PTPRD: variants seen among roughly 807,000 people sequenced by gnomAD.
PTPRD encodes receptor-type tyrosine-protein phosphatase delta.
A neutral mutation model predicts 214.5 loss-of-function variants in PTPRD; 34 were observed. The observed-to-expected ratio is 0.16, with a 90% CI of 0.12 to 0.21. The LOEUF (loss-of-function observed/expected upper bound fraction) is 0.21. PTPRD is among the 10% of genes least tolerant of loss of function. The pLI is 1.00. For missense variants in PTPRD, 2,545 were observed against 2,398.7 expected (o/e 1.06, Z -1.27); for synonymous variants, 1,128 against 845.7 (o/e 1.33, Z -5.79).
At position 9,837,713 on chromosome 9, in the gene PTPRD, G is replaced by A. The variant is rs141753937; in HGVS notation, c.-367-70862C>T. Among the ~76,000 whole-genome samples the A allele has an allele frequency of 5.9e-5, 9 of 152,120 alleles. No individual in the cohort carries two copies. In the East Asian group the frequency reaches 1.7e-3, roughly 29 times the overall value. ...CAGTGGTAGCATCCTAACCAGACTG[G>A]TATGACTTTGGCTGTGTTTTCTGTT... On this transcript the variant is annotated intron_variant, in intron 5 of 45. Coordinates refer to ENST00000381196, the MANE Select transcript of PTPRD (RefSeq NM_002839.4).
chr9:9,009,998 T>A (rs1442886990), intron 11 of PTPRD, among the ~76,000 whole-genome samples: 1 of 152,088 alleles, frequency 6.6e-6, no homozygotes, highest in African/African-American at 2.4e-5. Flanking sequence ...GACTTGGAGT[T>A]ACAGAAATGT....
intron 3 of PTPRD, among the ~76,000 whole-genome samples, chr9:10,108,226 C>T (rs1226806712): frequency 6.6e-6 from 1 of 152,030 alleles, no homozygotes; most frequent in Non-Finnish European, 1.5e-5. Flanking sequence ...TTATGGTAGA[C>T]AGCATGATGT....
intron 39 of PTPRD, among the ~76,000 whole-genome samples, chr9:8,352,648 C>G (rs900819876): frequency 2.0e-5 from 3 of 152,170 alleles, no homozygotes; most frequent in Non-Finnish European, 4.4e-5. Context: ...AATGCTATTA[C>G]TCCTGATTCA....
chr9:10,369,783 A>T (rs1252532692), intron 2 of PTPRD, among the ~76,000 whole-genome samples: 1 of 152,114 alleles, frequency 6.6e-6, no homozygotes, highest in Non-Finnish European at 1.5e-5. Context: ...GAATAGCATT[A>T]AGTGAGCTAC....
At chr9:9,520,814 G>A (rs550902858) in intron 8 of PTPRD, among the ~76,000 whole-genome samples, 11 of 152,112 alleles carry the variant, frequency 7.2e-5, no homozygotes, top group East Asian at 5.8e-4. Context: ...TCTACGAGTC[G>A]TAGAATCAAG....
chr9:10,395,075 A>ACCT (rs1480611681), intron 2 of PTPRD, among the ~76,000 whole-genome samples: 1 of 148,852 alleles, frequency 6.7e-6, no homozygotes, highest in African/African-American at 2.5e-5. Flanking sequence ...CTCTTAGTGA[A>ACCT]CCTCTATTTC....
chr9:10,389,141 T>A, intron 2 of PTPRD, among the ~76,000 whole-genome samples: 1 of 151,838 alleles, frequency 6.6e-6, no homozygotes, highest in East Asian at 1.9e-4. Flanking sequence ...AGGCCTTGCT[T>A]CAGCAGCTGT....
chr9:8,338,812 C>G, intron 43 of PTPRD, 110 bp downstream of exon 43: 3 of 997,096 alleles, frequency 3.0e-6, no homozygotes, highest in Non-Finnish European at 4.2e-6. Flanking sequence ...AATGATTTCT[C>G]TTTGGGACAA....
chr9:9,577,766 C>T (rs1489012134), intron 7 of PTPRD, among the ~76,000 whole-genome samples: 3 of 151,884 alleles, frequency 2.0e-5, no homozygotes, highest in Non-Finnish European at 4.4e-5. Context: ...TTGGATCAGT[C>T]CGGGCACGGT....
At chr9:9,383,202 C>T (rs908105739) in intron 9 of PTPRD, among the ~76,000 whole-genome samples, 4 of 151,930 alleles carry the variant, frequency 2.6e-5, no homozygotes, top group African/African-American at 9.7e-5. Context: ...ATATCATTTC[C>T]AGAGTTATTC....
intron 36 of PTPRD, among the ~76,000 whole-genome samples, chr9:8,391,267 T>C (rs764287357): frequency 3.9e-5 from 6 of 152,110 alleles, no homozygotes; most frequent in Admixed American, 6.5e-5. Context: ...TCAAGAAAGG[T>C]AATGAAAATC....
chr9:9,769,258 T>C (rs373761200), intron 5 of PTPRD, among the ~76,000 whole-genome samples: 2 of 149,500 alleles, frequency 1.3e-5, no homozygotes, highest in East Asian at 2.0e-4. Flanking sequence ...TATACACTGG[T>C]GGTGTCAAGC....
intron 2 of PTPRD, among the ~76,000 whole-genome samples, chr9:10,489,992 T>G (rs545256235): frequency 6.6e-6 from 1 of 152,310 alleles, no homozygotes; most frequent in African/African-American, 2.4e-5. Context: ...TTGGTTCTTA[T>G]GAAGGCGCAT....
In PTPRD at chr9:10,000,485, C is replaced by T. The variant is rs183491061; in HGVS notation, c.-472+33233G>A. On this transcript the variant is annotated intron_variant, in intron 4 of 45. Transcript: ENST00000381196. ...AGGAGAAGACCCAACTGCTGTTCCC[C>T]GACATGACGCCCCTTTTCATCAGGA... is the stretch of plus-strand genomic sequence containing the variant. Among the ~76,000 whole-genome samples, 3 of 152,226 alleles carry T rather than the reference C, an allele frequency of 2.0e-5. No individual in the cohort carries two copies. The East Asian group carries it at 5.8e-4, about 29-fold the overall frequency.
intron 39 of PTPRD, among the ~76,000 whole-genome samples, chr9:8,345,575 G>A (rs369856578): frequency 6.6e-6 from 1 of 151,896 alleles, no homozygotes; most frequent in Non-Finnish European, 1.5e-5. Flanking sequence ...ACTCCCTTGG[G>A]GTTAATGGTA....
intron 2 of PTPRD, among the ~76,000 whole-genome samples, chr9:10,574,197 A>ATG (rs57331096): frequency 0.78 from 117,440 of 150,194 alleles, 45,926 homozygotes; most frequent in East Asian, 0.94. Flanking sequence ...GAAATGATAG[A>ATG]TGTGTGTGTG....
At chr9:9,798,705 A>AT (rs1427074101) in intron 5 of PTPRD, among the ~76,000 whole-genome samples, 1 of 152,238 alleles carries the variant, frequency 6.6e-6, no homozygotes, top group Non-Finnish European at 1.5e-5. Flanking sequence ...GGAATAAGCC[A>AT]TATGTAGAGA....
At chr9:8,446,228 A>G (rs2095718822) in intron 34 of PTPRD, among the ~76,000 whole-genome samples, 1 of 152,216 alleles carries the variant, frequency 6.6e-6, no homozygotes, top group African/African-American at 2.4e-5. Flanking sequence ...TCTTTGACGT[A>G]CTTAGATTGT....
intron 8 of PTPRD, among the ~76,000 whole-genome samples, chr9:9,433,372 G>C (rs1446697090): frequency 6.6e-6 from 1 of 152,274 alleles, no homozygotes; most frequent in South Asian, 2.1e-4. Flanking sequence ...TTTATAATGA[G>C]TATTGCAGAA....
Sources: allele counts gnomAD v4.1 joint callset (sites outside exome capture counted in the v4.1 genomes callset), GRCh38; gene constraint gnomAD v4.1.1; transcripts MANE v1.5; gene names NCBI Gene and HGNC (gene_info 2026-07-23, HGNC 2026-07-21).